The following BMPER variants were observed in gnomAD, a reference collection of about 807,000 sequenced individuals.
The protein encoded by BMPER is BMP binding endothelial regulator, also known as BMP-binding endothelial regulator protein.
BMPER carries 45 observed loss-of-function variants against 87.3 expected under a neutral mutation model. The observed-to-expected ratio is 0.52, with a 90% CI of 0.41 to 0.66. The LOEUF is 0.66. BMPER is among the 30% of genes least tolerant of loss of function. The pLI is 0.00. For missense variants in BMPER, 784 were observed against 867.5 expected (o/e 0.90, Z 1.21); for synonymous variants, 326 against 316.2 (o/e 1.03, Z -0.33).
At chr7:34,022,644 T>C (rs1341121562) in intron 6 of BMPER, among the ~76,000 whole-genome samples, 1 of 151,276 alleles carries the variant, frequency 6.6e-6, no homozygotes, top group African/African-American at 2.4e-5. Flanking sequence ...GCGAGGTTAA[T>C]TTAGATTTGG....
At chr7:34,085,712 C>T (rs192836158) in intron 12 of BMPER, 44 bp from the exon 13 acceptor site, 22 of 1,516,164 alleles carry the variant, frequency 1.5e-5, no homozygotes, top group African/African-American at 4.1e-5. Context: ...ATTATTAGTG[C>T]GTTAATGAGT....
At chr7:34,089,043 T>G (rs1242659078) in intron 13 of BMPER, among the ~76,000 whole-genome samples, 1 of 152,174 alleles carries the variant, frequency 6.6e-6, no homozygotes, top group Non-Finnish European at 1.5e-5. Flanking sequence ...AAATCAGCAA[T>G]CATACATCCC....
intron 1 of BMPER, among the ~76,000 whole-genome samples, chr7:33,906,265 A>C (rs1190384812): frequency 6.6e-6 from 1 of 152,238 alleles, no homozygotes; most frequent in African/African-American, 2.4e-5. Context: ...TCTGAAGGAC[A>C]TACTTTACTG....
chr7:33,960,834 C>A (rs1785251789), intron 3 of BMPER, among the ~76,000 whole-genome samples: 2 of 152,108 alleles, frequency 1.3e-5, no homozygotes, highest in Admixed American at 1.3e-4. Flanking sequence ...ATGTTGGTGC[C>A]TAGTATTTTT....
At chr7:34,135,452 C>A (rs1790696135) in intron 13 of BMPER, among the ~76,000 whole-genome samples, 1 of 152,134 alleles carries the variant, frequency 6.6e-6, no homozygotes, top group Admixed American at 6.5e-5. Context: ...GGATTTGGAT[C>A]CCTAGAAGAA....
intron 11 of BMPER, 72 bp from the exon 12 acceptor site, chr7:34,078,785 A>C: frequency 1.4e-6 from 2 of 1,479,842 alleles, no homozygotes; most frequent in Non-Finnish European, 1.9e-6. Context: ...CTTACCCAGC[A>C]GGTGCCCCTG....
chr7:33,933,286 G>C (rs570514433), intron 2 of BMPER, among the ~76,000 whole-genome samples: 1 of 152,300 alleles, frequency 6.6e-6, no homozygotes, highest in South Asian at 2.1e-4. Flanking sequence ...CAATGTTAAA[G>C]AATCGGTTAA....
intron 11 of BMPER, among the ~76,000 whole-genome samples, chr7:34,069,442 C>G (rs1251558643): frequency 2.6e-5 from 4 of 152,320 alleles, no homozygotes; most frequent in East Asian, 3.9e-4. Flanking sequence ...GAACATTAGT[C>G]CATATCAGTC....
chr7:33,953,516 T>C (rs977817015), intron 3 of BMPER, among the ~76,000 whole-genome samples: 1 of 152,174 alleles, frequency 6.6e-6, no homozygotes, highest in East Asian at 1.9e-4. Flanking sequence ...CTGAACCTGC[T>C]TGTGTCTTGG....
chr7:33,954,982 C>T, intron 3 of BMPER, among the ~76,000 whole-genome samples: 1 of 152,170 alleles, frequency 6.6e-6, no homozygotes, highest in Non-Finnish European at 1.5e-5. Context: ...ACCACAACCT[C>T]CGCCTGCCGG....
intron 13 of BMPER, among the ~76,000 whole-genome samples, chr7:34,134,653 C>T (rs1415451149): frequency 6.6e-6 from 1 of 152,092 alleles, no homozygotes; most frequent in African/African-American, 2.4e-5. Context: ...AAAGATGTGG[C>T]CCCTGGGTAT....
intron 2 of BMPER, among the ~76,000 whole-genome samples, chr7:33,932,765 T>C (rs1784512121): frequency 1.3e-5 from 2 of 152,200 alleles, no homozygotes; most frequent in Non-Finnish European, 2.9e-5. Context: ...AGGAATACTT[T>C]TCGTATTCCA....
At chr7:33,925,985 C>A (rs11981800) in intron 2 of BMPER, among the ~76,000 whole-genome samples, 2,823 of 152,234 alleles carry the variant, frequency 0.019, 89 homozygotes, top group African/African-American at 0.065. Flanking sequence ...ACGATTCCTG[C>A]CTCGCGTCTG....
intron 6 of BMPER, among the ~76,000 whole-genome samples, chr7:34,023,268 T>A (rs1244906068): frequency 6.6e-6 from 1 of 152,050 alleles, no homozygotes; most frequent in African/African-American, 2.4e-5. Flanking sequence ...GAACCCAGAC[T>A]CTTCAGGTAA....
intron 13 of BMPER, among the ~76,000 whole-genome samples, chr7:34,126,877 T>A (rs529042910): frequency 2.6e-5 from 4 of 152,248 alleles, no homozygotes; most frequent in Admixed American, 6.5e-5. Flanking sequence ...TTAAAAAAAA[T>A]GTCCAAATTG....
At chr7:34,094,848 A>G (rs1789488270) in intron 13 of BMPER, among the ~76,000 whole-genome samples, 1 of 152,216 alleles carries the variant, frequency 6.6e-6, no homozygotes, top group Non-Finnish European at 1.5e-5. Flanking sequence ...CATTATTAAT[A>G]TAATTTTATT....
At chr7:33,956,260 T>A (rs376807830) in intron 3 of BMPER, among the ~76,000 whole-genome samples, 8 of 152,260 alleles carry the variant, frequency 5.3e-5, no homozygotes, top group African/African-American at 1.9e-4. Context: ...CAATCATTTG[T>A]TCTATGGAAG....
chr7:33,976,690 G>A (rs1013887631), intron 6 of BMPER, among the ~76,000 whole-genome samples: 2 of 152,090 alleles, frequency 1.3e-5, no homozygotes, highest in Admixed American at 1.3e-4. Flanking sequence ...CCAAGGTCAC[G>A]CAGCTGAGCC....
At chr7:34,049,517 G>A (rs577439824) in intron 7 of BMPER, among the ~76,000 whole-genome samples, 7 of 152,178 alleles carry the variant, frequency 4.6e-5, no homozygotes, top group African/African-American at 1.4e-4. Context: ...AACAGGCTAT[G>A]GGAATGCAGA....
Sources: allele counts gnomAD v4.1 joint callset (sites outside exome capture counted in the v4.1 genomes callset), GRCh38; gene constraint gnomAD v4.1.1; transcripts MANE v1.5; gene names NCBI Gene and HGNC (gene_info 2026-07-23, HGNC 2026-07-21).